The following GAS2 variants were observed in gnomAD, a reference collection of about 807,000 sequenced individuals.
GAS2 encodes growth arrest specific 2.
GAS2 carries 20 observed loss-of-function variants against 37.5 expected under a neutral mutation model. The ratio of observed to expected loss-of-function variants is 0.53; its 90% CI spans 0.37 to 0.77. The LOEUF (loss-of-function observed/expected upper bound fraction) is 0.77, where lower values mean the gene tolerates loss of function less well. Ranked by LOEUF, GAS2 falls within the 30% of genes least tolerant of loss-of-function variation. The pLI, the probability that GAS2 is intolerant of heterozygous loss-of-function variation, is 0.00. For synonymous variants in GAS2, 144 were observed against 132.2 expected, an observed-to-expected ratio of 1.09 and a Z score of -0.61; for missense variants, 336 against 373.4, an observed-to-expected ratio of 0.90 and a Z score of 0.82.
intron 3 of GAS2, chr11:22,702,680 C>T (rs1850908579): frequency 6.6e-6 from 1 of 152,116 alleles, no homozygotes; most frequent in African/African-American, 2.4e-5. Context: ...CTAGCCTTCT[C>T]ATATGAGCAA....
At chr11:22,762,599 T>C (rs1027742397) in intron 7 of GAS2, among the ~76,000 whole-genome samples, 14 of 152,144 alleles carry the variant, frequency 9.2e-5, no homozygotes, top group African/African-American at 2.7e-4. Flanking sequence ...TCAACCACAG[T>C]AAAGTATTTT....
chr11:22,646,295 A>T (rs1590565191), intron 1 of GAS2, among the ~76,000 whole-genome samples: 1 of 152,166 alleles, frequency 6.6e-6, no homozygotes, highest in South Asian at 2.1e-4. Flanking sequence ...GATTATAGTT[A>T]AAAAAAGGAG....
chr11:22,629,509 T>A (rs1477916825), intron 1 of GAS2, among the ~76,000 whole-genome samples: 2 of 152,180 alleles, frequency 1.3e-5, no homozygotes, highest in Non-Finnish European at 2.9e-5. Flanking sequence ...CTGGCTGGGG[T>A]AAGGTGGTAT....
intron 1 of GAS2, chr11:22,626,608 C>G (rs1157384421): frequency 6.6e-6 from 1 of 152,208 alleles, no homozygotes; most frequent in Non-Finnish European, 1.5e-5. Flanking sequence ...CTCACTGATG[C>G]ACTTAACAAA....
chr11:22,741,239 T>C (rs545187339), intron 5 of GAS2, among the ~76,000 whole-genome samples: 1 of 151,952 alleles, frequency 6.6e-6, no homozygotes, highest in Non-Finnish European at 1.5e-5. Context: ...CTATCATCAC[T>C]GAAGAGTGAA....
chr11:22,666,399 C>G (rs1003562824), upstream of GAS2, among the ~76,000 whole-genome samples: 3 of 152,202 alleles, frequency 2.0e-5, no homozygotes, highest in African/African-American at 7.2e-5. Flanking sequence ...TAATATTGTG[C>G]TAAAGCTATT....
At chr11:22,809,049 A>C (rs1158560401) in intron 7 of GAS2, among the ~76,000 whole-genome samples, 1 of 152,172 alleles carries the variant, frequency 6.6e-6, no homozygotes, top group Admixed American at 6.5e-5. Flanking sequence ...GTACACTGAG[A>C]ACCAGATCTT....
intron 7 of GAS2, among the ~76,000 whole-genome samples, chr11:22,782,546 A>G (rs2134500006): frequency 6.6e-6 from 1 of 152,022 alleles, no homozygotes; most frequent in Middle Eastern, 3.4e-3. Flanking sequence ...GGAGTTTTTC[A>G]GCTCTTGCCC....
chr11:22,646,984 C>T (rs1276896502), intron 1 of GAS2, among the ~76,000 whole-genome samples: 1 of 151,076 alleles, frequency 6.6e-6, no homozygotes, highest in Non-Finnish European at 1.5e-5. Context: ...AGGTTAGTTA[C>T]ATATGTATAC....
chr11:22,721,011 G>A (rs1851921979), intron 3 of GAS2, among the ~76,000 whole-genome samples: 1 of 152,032 alleles, frequency 6.6e-6, no homozygotes, highest in Non-Finnish European at 1.5e-5. Context: ...ACAGTTGAAA[G>A]TGTAGGAGCA....
At chr11:22,772,755 C>T (rs1432996981) in intron 7 of GAS2, among the ~76,000 whole-genome samples, 1 of 152,140 alleles carries the variant, frequency 6.6e-6, no homozygotes, top group African/African-American at 2.4e-5. Context: ...GGATAATTTG[C>T]TAAGTTTTGG....
chr11:22,632,747 C>T (rs1858760876), intron 1 of GAS2, among the ~76,000 whole-genome samples: 1 of 151,238 alleles, frequency 6.6e-6, no homozygotes. Context: ...TTATTCGTTT[C>T]TTTTCATTCT....
chr11:22,713,818 A>G (rs1851528988), intron 3 of GAS2, among the ~76,000 whole-genome samples: 1 of 152,194 alleles, frequency 6.6e-6, no homozygotes. Context: ...ATTATTCACC[A>G]CTACCAAGCC....
intron 7 of GAS2, among the ~76,000 whole-genome samples, chr11:22,762,565 T>C (rs1273974754): frequency 6.6e-6 from 1 of 152,166 alleles, no homozygotes; most frequent in Non-Finnish European, 1.5e-5. Context: ...AAATAATCCA[T>C]ACCTTTTATA....
chr11:22,810,363 C>G (rs142517626), intron 7 of GAS2, among the ~76,000 whole-genome samples: 1 of 151,976 alleles, frequency 6.6e-6, no homozygotes, highest in Admixed American at 6.6e-5. Flanking sequence ...ATCTGGGAGG[C>G]CTGATGGTTG....
At chr11:22,780,190 A>G (rs1049698271) in intron 7 of GAS2, among the ~76,000 whole-genome samples, 5 of 152,216 alleles carry the variant, frequency 3.3e-5, no homozygotes, top group Non-Finnish European at 7.3e-5. Context: ...AAGTAATTTC[A>G]CTAGCTAGGG....
rs76590786 is a variant in GAS2, at chr11:22,786,137, A to G, written c.724-25661A>G. 3.5e-3 allele frequency among the ~76,000 whole-genome samples: 534 copies of G among 152,244 alleles called. 5 individuals are homozygous for G. Among genetic ancestry groups the G allele is most frequent in the African/African-American group, 0.012 (496 of 41,548 alleles). ...GGTATCCACCTCAGAATAGCTTAAA[A>G]TGTTCTTAATTATGTCCCTTAGTTC... is the stretch of plus-strand genomic sequence containing the variant. On this transcript the variant is annotated intron_variant, in intron 7 of 7. Transcript: ENST00000454584.
chr11:22,797,323 T>C (rs907926675), intron 7 of GAS2, among the ~76,000 whole-genome samples: 1 of 152,092 alleles, frequency 6.6e-6, no homozygotes, highest in Non-Finnish European at 1.5e-5. Context: ...CATTTGTCTC[T>C]ACAATGAGCC....
intron 5 of GAS2, among the ~76,000 whole-genome samples, chr11:22,743,933 G>T (rs982007114): frequency 2.0e-5 from 3 of 151,972 alleles, no homozygotes; most frequent in Admixed American, 1.3e-4. Context: ...ATCCAAAGAA[G>T]CTCAGTCAGG....
Sources: gnomAD v4.1 joint callset for allele counts (sites outside exome capture counted in the v4.1 genomes callset) on GRCh38, gnomAD v4.1.1 for gene constraint, MANE v1.5 for transcripts, NCBI Gene and HGNC (gene_info 2026-07-23, HGNC 2026-07-21) for gene names.